Variants in CECR2 observed in about 807,000 individuals in gnomAD.
CECR2 encodes CECR2 histone acetyl-lysine reader.
CECR2 carries 30 observed loss-of-function variants against 154.5 expected under a neutral mutation model. The observed-to-expected ratio is 0.19, with a 90% confidence interval of 0.15 to 0.26. CECR2 has a LOEUF of 0.26. Ranked by LOEUF, CECR2 falls within the 10% of genes least tolerant of loss-of-function variation. The probability of loss-of-function intolerance (pLI) is 1.00; values close to 1 mark genes in which losing one functional copy is unlikely to be tolerated. For missense variants in CECR2, 1,743 were observed against 1,829.3 expected, an observed-to-expected ratio of 0.95 and a Z score of 0.86; for synonymous variants, 725 against 683.7, an observed-to-expected ratio of 1.06 and a Z score of -0.94.
rs201042679 is a variant in CECR2, at chr22:17,548,394, C to G, written c.3107C>G (p.Ala1036Gly). Residue 1036 changes from alanine to glycine, a missense_variant, in exon 17 of 19, where the codon GCC becomes GGC. Ala to Gly is a moderately conservative substitution (Grantham distance 60). Coordinates refer to ENST00000262608, the MANE Select transcript of CECR2 (RefSeq NM_001290047.2). ...PSDSSYPGPA[A>G]QGCVRDLSTV... is the part of the protein sequence containing the mutation. ...GATAGCAGCTACCCCGGCCCAGCCG[C>G]CCAAGGGTGCGTGAGAGACCTCTCC... 202 of 1,613,682 alleles carry G rather than the reference C, an allele frequency of 1.3e-4. No individual in the cohort carries two copies. The highest frequency in any genetic ancestry group is 1.6e-4 in the Non-Finnish European group (190 of 1,179,796).
At position 17,553,966 on chromosome 22, in the gene CECR2, C is replaced by G. The variant is rs558152690; in HGVS notation, c.*1126C>G. On this transcript the variant is annotated 3_prime_UTR_variant, in exon 19 of 19. Transcript: ENST00000262608. ...AGGAAAAATGTATTCTATAGATTTA[C>G]AGTTTGAATTTAGGAATATTTCAGT... 1 of 152,248 alleles carries G rather than the reference C, an allele frequency of 6.6e-6. No individual in the cohort carries two copies. Among genetic ancestry groups the G allele is most frequent in the African/African-American group, 2.4e-5 (1 of 41,530 alleles). The allele number at this position is 152,248 out of a possible 1,614,324, so 9.4% of individuals were successfully genotyped here.
Position 17,548,605 on chromosome 22 carries a change from C to T in CECR2, c.3318C>T (p.Pro1106=), listed in dbSNP as rs1015498959. ...CAGCGACACCGCCCAGCACAGACCCCGGTTTGACGGGAGGCACTGTGAGCC... is the reference window on the plus strand; with the variant it reads ...CAGCGACACCGCCCAGCACAGACCCTGGTTTGACGGGAGGCACTGTGAGCC... The part of the protein sequence containing the change: ...QNAATPPSTD[P]GLTGGTVSQF... The change falls in exon 17 of 19, where the codon CCC becomes CCT. Residue 1106 remains proline (P), a synonymous_variant. Coordinates refer to ENST00000262608, the MANE Select transcript of CECR2 (RefSeq NM_001290047.2). 8.7e-6 allele frequency: 14 copies of T among 1,613,410 alleles called. No individual in the cohort carries two copies. Among genetic ancestry groups the T allele is most frequent in the East Asian group, 6.7e-5 (3 of 44,838 alleles).
chr22:17,466,923 T>C (rs1389902185), intron 1 of CECR2, among the ~76,000 whole-genome samples: 3 of 152,132 alleles, frequency 2.0e-5, no homozygotes, highest in Admixed American at 6.6e-5. Context: ...TTACATTCAG[T>C]GTTTCTCTCT....
chr22:17,419,538 GA>G, intron 1 of CECR2: 3 of 201,642 alleles, frequency 1.5e-5, no homozygotes, highest in Admixed American at 1.0e-4. Flanking sequence ...AGAGGAAGAG[GA>G]AGAGGAAGAG....
In CECR2 at chr22:17,484,912, G is replaced by T. The variant is rs145061204; in HGVS notation, c.221+7230G>T. Among the ~76,000 whole-genome samples the T allele has an allele frequency of 2.5e-3, 385 of 152,264 alleles. 1 individual carries two copies. Among genetic ancestry groups the T allele is most frequent in the African/African-American group, 8.9e-3 (371 of 41,552 alleles). ...GGACATCAGGCCAGATTTGGCCCTC[G>T]GGCTATAATTTTCCGACTCCTGTAT... On this transcript the variant is annotated intron_variant, in intron 2 of 18. Coordinates refer to ENST00000262608, the MANE Select transcript of CECR2 (RefSeq NM_001290047.2).
At chr22:17,472,972 G>T (rs560391704) in intron 1 of CECR2, among the ~76,000 whole-genome samples, 1 of 152,016 alleles carries the variant, frequency 6.6e-6, no homozygotes, top group Non-Finnish European at 1.5e-5. Context: ...GCTTGTTCCC[G>T]CTGCTGTGAG....
rs188221484 is a variant in CECR2, at chr22:17,510,901, A to G, written c.871-912A>G. 7.6e-3 allele frequency among the ~76,000 whole-genome samples: 1,157 copies of G among 152,264 alleles called. 11 individuals carry two copies. The highest frequency in any genetic ancestry group is 0.01 in the Middle Eastern group (3 of 294). On this transcript the variant is annotated intron_variant, in intron 7 of 18. Coordinates refer to ENST00000262608, the MANE Select transcript of CECR2 (RefSeq NM_001290047.2). The stretch of plus-strand genomic sequence containing the variant: ...ATTACAGGCGTGAGCCACCCCACCC[A>G]GCCCGAAACAGAAAAGCTTTCTAAA...
chr22:17,541,798 C>CT (rs759715834), intron 14 of CECR2, 41 bp from the exon 15 acceptor site: 2 of 1,575,676 alleles, frequency 1.3e-6, no homozygotes, highest in Non-Finnish European at 1.7e-6. Flanking sequence ...AAGTCTGTGC[C>CT]TTTCCTTTTT....
At chr22:17,511,761 T>G in intron 7 of CECR2, 52 bp from the exon 8 acceptor site, 14 of 1,516,300 alleles carry the variant, frequency 9.2e-6, no homozygotes, top group Non-Finnish European at 1.2e-5. Context: ...CATCAGTAGT[T>G]GAGAACACCC....
At chr22:17,513,305 TAG>T (rs951941361) in intron 8 of CECR2, among the ~76,000 whole-genome samples, 3 of 152,198 alleles carry the variant, frequency 2.0e-5, no homozygotes, top group African/African-American at 7.2e-5. Context: ...TCAGTGATCG[TAG>T]AGAGTTTTGA....
intron 1 of CECR2, among the ~76,000 whole-genome samples, chr22:17,430,861 C>T (rs1197060741): frequency 6.6e-6 from 1 of 152,034 alleles, no homozygotes; most frequent in Non-Finnish European, 1.5e-5. Flanking sequence ...CAAATCATTG[C>T]CTACTATTTA....
chr22:17,494,945 G>A (rs535570934), intron 2 of CECR2, among the ~76,000 whole-genome samples: 2 of 151,824 alleles, frequency 1.3e-5, no homozygotes, highest in African/African-American at 4.8e-5. Context: ...CGCCCACCTC[G>A]GCCTCCCACA....
At chr22:17,467,127 A>G (rs1450996715) in intron 1 of CECR2, among the ~76,000 whole-genome samples, 1 of 152,182 alleles carries the variant, frequency 6.6e-6, no homozygotes, top group African/African-American at 2.4e-5. Flanking sequence ...GATAAGGGGA[A>G]AATAGCTATA....
Position 17,542,601 on chromosome 22 carries a change from C to T in CECR2, c.2458C>T (p.Pro820Ser), listed in dbSNP as rs377545671. The T allele has an allele frequency of 6.8e-6, 11 of 1,613,878 alleles. No homozygotes were observed. The highest frequency in any genetic ancestry group is 5.5e-5 in the South Asian group (5 of 91,090). Residue 820 changes from proline (P) to serine (S), a missense_variant, in exon 16 of 19, where the codon CCC (proline) becomes TCC (serine). Physicochemically the swap from Pro to Ser is moderately conservative, Grantham distance 74 (BLOSUM62 -1). Transcript: ENST00000262608. ...DSRVMRPPVP[P>S]NQWTEQSGFL... ...CCGAGTCATGAGACCACCTGTCCCC[C>T]CCAACCAGTGGACTGAACAATCAGG...
chr22:17,363,278 A>G lies in CECR2; in HGVS notation c.-364+3255A>G, dbSNP rs1388559978. ...GGCTGGAGTGCAGTGGCGCGATCACAGCTCACTGCAACCTCCGCCTCCTGG... is the reference window on the plus strand; with the variant it reads ...GGCTGGAGTGCAGTGGCGCGATCACGGCTCACTGCAACCTCCGCCTCCTGG... On this transcript the variant is annotated intron_variant, in intron 1 of 18. Coordinates refer to the CECR2 transcript ENST00000400585. Among the ~76,000 whole-genome samples the G allele has an allele frequency of 1.3e-5, 2 of 151,472 alleles. 1 individual carries two copies. The highest frequency in any genetic ancestry group is 2.9e-5 in the Non-Finnish European group (2 of 67,884).
chr22:17,374,736 G>A (rs544498841), intron 1 of CECR2, among the ~76,000 whole-genome samples: 27 of 152,276 alleles, frequency 1.8e-4, no homozygotes, highest in Non-Finnish European at 2.2e-4. Context: ...ATGACACTGC[G>A]TAGTACTTGG....
At chr22:17,450,896 T>C (rs2054758396) in intron 1 of CECR2, among the ~76,000 whole-genome samples, 1 of 152,240 alleles carries the variant, frequency 6.6e-6, no homozygotes, top group East Asian at 1.9e-4. Flanking sequence ...GCTACTCTAG[T>C]CCAGACCATC....
At chr22:17,371,698 C>A (rs1253954031) in intron 1 of CECR2, among the ~76,000 whole-genome samples, 1 of 152,074 alleles carries the variant, frequency 6.6e-6, no homozygotes, top group Non-Finnish European at 1.5e-5. Flanking sequence ...GCACCTAGTC[C>A]CTTTTCTTCC....
At chr22:17,504,794 A>G in intron 6 of CECR2, 53 bp from the exon 7 acceptor site, 2 of 1,502,018 alleles carry the variant, frequency 1.3e-6, no homozygotes, top group Admixed American at 4.0e-5. Context: ...AGAATAAATA[A>G]GGAAAGGTCC....
Sources: gnomAD v4.1 joint callset for allele counts (sites outside exome capture counted in the v4.1 genomes callset) on GRCh38, gnomAD v4.1.1 for gene constraint, MANE v1.5 for transcripts, NCBI Gene and HGNC (gene_info 2026-07-23, HGNC 2026-07-21) for gene names.